OPHN1: variants seen among roughly 807,000 people sequenced by gnomAD.
OPHN1 encodes the protein oligophrenin 1.
A neutral mutation model predicts 60.7 loss-of-function variants in OPHN1; 11 were observed. That is an observed-to-expected ratio of 0.18 (90% CI 0.11 to 0.30). The LOEUF is 0.30. Ranked by LOEUF, OPHN1 falls within the 10% of genes least tolerant of loss-of-function variation. The pLI is 1.00. For synonymous variants in OPHN1, 226 were observed against 222.6 expected (o/e 1.02, Z -0.14); for missense variants, 449 against 611.0 (o/e 0.73, Z 2.80).
chrX:68,256,909 G>A (rs1172288829), intron 5 of OPHN1, among the ~76,000 whole-genome samples: 1 of 109,953 alleles, frequency 9.1e-6, no homozygotes, highest in African/African-American at 3.3e-5. Flanking sequence ...GCACACTCCT[G>A]TAATCCCAGC....
intron 2 of OPHN1, among the ~76,000 whole-genome samples, chrX:68,399,414 G>C (rs1190356178): frequency 8.9e-6 from 1 of 112,069 alleles, no homozygotes; most frequent in Admixed American, 9.5e-5. Context: ...ACTTTGGGAG[G>C]CTGAGGTGGG....
chrX:68,243,577 AG>A (rs1249717773), intron 5 of OPHN1, among the ~76,000 whole-genome samples: 5 of 110,322 alleles, frequency 4.5e-5, no homozygotes, highest in Non-Finnish European at 9.5e-5. Flanking sequence ...TGGTAGAGAC[AG>A]GGTTTCACCA....
At chrX:68,264,048 C>G (rs756887543) in intron 5 of OPHN1, among the ~76,000 whole-genome samples, 1 of 111,188 alleles carries the variant, frequency 9.0e-6, no homozygotes, top group East Asian at 2.8e-4. Context: ...AAACTGGCTA[C>G]CCATATGTAG....
chrX:68,300,130 GCT>G lies in OPHN1; in HGVS notation c.155-1036_155-1035del, dbSNP rs757184625. The stretch of plus-strand genomic sequence containing the variant: ...AGCTTAAGCTTGTTGGTTATTTTTG[GCT>G]CTCTTTTCCGATTTCTTCTTTCTCT... On this transcript the variant is annotated intron_variant, in intron 2 of 24. Coordinates refer to ENST00000355520, the MANE Select transcript of OPHN1 (RefSeq NM_002547.3). 1.2e-3 allele frequency among the ~76,000 whole-genome samples: 131 copies of G among 111,642 alleles called. No homozygotes were observed. The Middle Eastern group carries it at 0.014, about 12-fold the overall frequency.
chrX:68,338,061 G>T (rs1217630001), intron 2 of OPHN1, among the ~76,000 whole-genome samples: 1 of 110,389 alleles, frequency 9.1e-6, no homozygotes, highest in Admixed American at 9.8e-5. Flanking sequence ...TCACTGTGTT[G>T]CCCAGGCTGG....
intron 15 of OPHN1, among the ~76,000 whole-genome samples, chrX:68,157,212 C>T (rs1335217823): frequency 5.4e-5 from 6 of 112,003 alleles, no homozygotes; most frequent in Non-Finnish European, 1.1e-4. Flanking sequence ...CATTGGATAA[C>T]TCAGACAGAG....
intron 6 of OPHN1, among the ~76,000 whole-genome samples, chrX:68,223,789 A>G (rs1340668300): frequency 8.9e-6 from 1 of 111,854 alleles, no homozygotes; most frequent in African/African-American, 3.3e-5. Context: ...AGAATGCTAG[A>G]GTAGCTATAT....
At chrX:68,396,080 C>T (rs1210099939) in intron 2 of OPHN1, among the ~76,000 whole-genome samples, 3 of 109,243 alleles carry the variant, frequency 2.7e-5, no homozygotes, top group Non-Finnish European at 3.8e-5. Flanking sequence ...CTGGTGGGAC[C>T]CTCAAGCATT....
chrX:68,167,626 T>C (rs2147413134), intron 15 of OPHN1, among the ~76,000 whole-genome samples: 1 of 110,220 alleles, frequency 9.1e-6, no homozygotes, highest in Admixed American at 9.7e-5. Context: ...CATGCGCGCA[T>C]GCATGCATAT....
intron 2 of OPHN1, among the ~76,000 whole-genome samples, chrX:68,428,947 C>T (rs1476426880): frequency 8.9e-6 from 1 of 112,294 alleles, no homozygotes; most frequent in Non-Finnish European, 1.9e-5. Context: ...CATTTCCCTT[C>T]AGAAACCTAC....
At chrX:68,395,658 G>A (rs2078679993) in intron 2 of OPHN1, among the ~76,000 whole-genome samples, 1 of 109,668 alleles carries the variant, frequency 9.1e-6, no homozygotes, top group Admixed American at 9.8e-5. Context: ...TGTTGGTCAG[G>A]CTGTTCTCGA....
intron 4 of OPHN1, among the ~76,000 whole-genome samples, chrX:68,278,742 T>G (rs893400760): frequency 9.0e-6 from 1 of 111,435 alleles, no homozygotes; most frequent in Admixed American, 9.4e-5. Flanking sequence ...AAAAATTAGC[T>G]GGGCATGGTG....
At chrX:68,117,889 C>A (rs1344797671) in intron 16 of OPHN1, among the ~76,000 whole-genome samples, 8 of 111,924 alleles carry the variant, frequency 7.1e-5, no homozygotes, top group Non-Finnish European at 1.5e-4. Context: ...GGCCACCCTG[C>A]CTATTATAGG....
At chrX:68,073,458 C>T in intron 19 of OPHN1, 159 bp from the exon 20 acceptor site, 1 of 463,802 alleles carries the variant, frequency 2.2e-6, no homozygotes. Context: ...ATCACTCTAG[C>T]TACAGGTAAA....
chrX:68,079,833 A>G (rs2076967872), intron 19 of OPHN1, among the ~76,000 whole-genome samples: 1 of 111,819 alleles, frequency 8.9e-6, no homozygotes, highest in Non-Finnish European at 1.9e-5. Flanking sequence ...ACAAATCTGG[A>G]CATTATTATC....
chrX:68,279,829 C>T (rs896208770), intron 4 of OPHN1, among the ~76,000 whole-genome samples: 1 of 111,609 alleles, frequency 9.0e-6, no homozygotes, highest in Non-Finnish European at 1.9e-5. Context: ...TAATTAAAGA[C>T]AGAAGAAAAT....
At chrX:68,219,621 G>A (rs1013352916) in intron 6 of OPHN1, among the ~76,000 whole-genome samples, 3 of 111,415 alleles carry the variant, frequency 2.7e-5, no homozygotes, top group Non-Finnish European at 3.8e-5. Flanking sequence ...TCAGGATTAC[G>A]AATCTCACTC....
chrX:68,056,047 A>AACCTGC (rs2076871774), intron 21 of OPHN1, among the ~76,000 whole-genome samples: 2 of 111,174 alleles, frequency 1.8e-5, no homozygotes, highest in Non-Finnish European at 3.8e-5. Context: ...GCACATATAT[A>AACCTGC]CATATGTAAC....
At chrX:68,111,219 C>T (rs1360762759) in intron 18 of OPHN1, among the ~76,000 whole-genome samples, 1 of 112,267 alleles carries the variant, frequency 8.9e-6, no homozygotes, top group Non-Finnish European at 1.9e-5. Flanking sequence ...GGCTCCTGGA[C>T]AGAATGCTTT....
Sources: allele counts gnomAD v4.1 joint callset (sites outside exome capture counted in the v4.1 genomes callset), GRCh38; gene constraint gnomAD v4.1.1; transcripts MANE v1.5; gene names NCBI Gene and HGNC (gene_info 2026-07-23, HGNC 2026-07-21).